TAFA2: variants seen among roughly 807,000 people sequenced by gnomAD.
TAFA2 encodes TAFA chemokine like family member 2, also known as chemokine-like protein TAFA-2.
TAFA2 carries 7 observed loss-of-function variants against 18.8 expected under a neutral mutation model. That is an observed-to-expected ratio of 0.37 (90% CI 0.21 to 0.70). The LOEUF is 0.70. Ranked by LOEUF, TAFA2 falls within the 30% of genes least tolerant of loss-of-function variation. TAFA2 has a pLI of 0.53. For missense variants in TAFA2, 122 were observed against 158.1 expected (o/e 0.77, Z 1.23); for synonymous variants, 60 against 54.2 (o/e 1.11, Z -0.47).
chr12:61,756,776 A>G (rs1236511471), intron 2 of TAFA2, among the ~76,000 whole-genome samples: 1 of 152,152 alleles, frequency 6.6e-6, no homozygotes, highest in Non-Finnish European at 1.5e-5. Flanking sequence ...CACAGGAAAC[A>G]TCTCTCTTTG....
Position 62,082,375 on chromosome 12 carries a change from CTTCCTA to C in TAFA2, c.-2+108878_-2+108883del, listed in dbSNP as rs1227432880. 1.9e-4 allele frequency among the ~76,000 whole-genome samples: 29 copies of C among 152,306 alleles called. 1 individual carries two copies. The highest frequency in any genetic ancestry group is 7.0e-4 in the African/African-American group (29 of 41,558). ...GTTTTTTCTAATGTGGCCTGAGGCA[CTTCCTA>C]TTCCACTAATGCTCCTTTCATCTTT... On this transcript the variant is annotated intron_variant, in intron 1 of 4. Coordinates refer to ENST00000416284, the MANE Select transcript of TAFA2 (RefSeq NM_178539.5).
chr12:62,209,257 T>C (rs563366653), intron 1 of TAFA2, among the ~76,000 whole-genome samples: 20 of 152,314 alleles, frequency 1.3e-4, no homozygotes, highest in African/African-American at 4.8e-4. Flanking sequence ...GTTTCCTCCA[T>C]GCCATTCTCA....
At chr12:61,819,687 G>A (rs1872240074) in intron 2 of TAFA2, among the ~76,000 whole-genome samples, 1 of 152,096 alleles carries the variant, frequency 6.6e-6, no homozygotes, top group Non-Finnish European at 1.5e-5. Context: ...ACTGCATCCA[G>A]ATGCCTAATT....
At chr12:61,856,398 A>C (rs535185971) in intron 2 of TAFA2, among the ~76,000 whole-genome samples, 11 of 152,202 alleles carry the variant, frequency 7.2e-5, no homozygotes, top group Non-Finnish European at 1.5e-4. Context: ...AAACCAATAG[A>C]AGTTTTACTT....
chr12:62,097,748 T>C (rs1490888224), intron 1 of TAFA2, among the ~76,000 whole-genome samples: 1 of 152,190 alleles, frequency 6.6e-6, no homozygotes, highest in Non-Finnish European at 1.5e-5. Flanking sequence ...CAGTCACTTA[T>C]GACCCACTCT....
intron 1 of TAFA2, among the ~76,000 whole-genome samples, chr12:62,134,714 T>C (rs1870828036): frequency 6.6e-6 from 1 of 152,090 alleles, no homozygotes; most frequent in South Asian, 2.1e-4. Flanking sequence ...GTCCATCTAG[T>C]TAATCCATCA....
At chr12:61,741,313 CA>C (rs1211687019) in intron 4 of TAFA2, among the ~76,000 whole-genome samples, 1 of 150,638 alleles carries the variant, frequency 6.6e-6, no homozygotes, top group Non-Finnish European at 1.5e-5. Flanking sequence ...TATGTGTCTC[CA>C]TCTCTCTTGC....
At chr12:61,722,196 G>A (rs1869938225) in intron 4 of TAFA2, among the ~76,000 whole-genome samples, 1 of 152,100 alleles carries the variant, frequency 6.6e-6, no homozygotes, top group Non-Finnish European at 1.5e-5. Context: ...ACATAAATTT[G>A]AGAGGTTGGA....
At chr12:61,966,085 A>G (rs555768521) in intron 1 of TAFA2, among the ~76,000 whole-genome samples, 1 of 151,788 alleles carries the variant, frequency 6.6e-6, no homozygotes, top group African/African-American at 2.4e-5. Context: ...CTGCCATACT[A>G]TTTTCCACAG....
chr12:62,198,706 G>T (rs1440482769), intron 1 of TAFA2, among the ~76,000 whole-genome samples: 2 of 152,108 alleles, frequency 1.3e-5, no homozygotes, highest in Non-Finnish European at 2.9e-5. Context: ...ATATTTTCAT[G>T]TAATCAAGTG....
chr12:61,819,699 G>T (rs1592410410), intron 2 of TAFA2, among the ~76,000 whole-genome samples: 1 of 152,040 alleles, frequency 6.6e-6, no homozygotes, highest in Non-Finnish European at 1.5e-5. Context: ...TGCCTAATTT[G>T]CTAACTATTC....
intron 1 of TAFA2, among the ~76,000 whole-genome samples, chr12:62,122,354 A>G (rs1355459793): frequency 6.6e-6 from 1 of 152,184 alleles, no homozygotes; most frequent in Non-Finnish European, 1.5e-5. Context: ...GTTCATAACG[A>G]AAAGCCTAAT....
chr12:62,035,733 C>CTTTTTTTTTTTTTTTTTTTTTTT lies in TAFA2; in HGVS notation c.-2+155503_-2+155525dup, dbSNP rs34859628. 1.7e-4 allele frequency among the ~76,000 whole-genome samples: 10 copies of CTTTTTTTTTTTTTTTTTTTTTTT among 60,234 alleles called. 2 individuals are homozygous for CTTTTTTTTTTTTTTTTTTTTTTT. Among genetic ancestry groups the CTTTTTTTTTTTTTTTTTTTTTTT allele is most frequent in the African/African-American group, 7.5e-4 (10 of 13,256 alleles). The allele number at this position is 60,234 out of a possible 152,430, so 39.5% of individuals were successfully genotyped here. On this transcript the variant is annotated intron_variant, in intron 1 of 4. Coordinates refer to ENST00000416284, the MANE Select transcript of TAFA2 (RefSeq NM_178539.5). ...TGACGCTAGGGGTCAATGATTCTTT[C>CTTTTTTTTTTTTTTTTTTTTTTT]TTTTTTTTTTTTTTTTTTTTTTTTT...
intron 1 of TAFA2, among the ~76,000 whole-genome samples, chr12:62,130,496 T>A (rs1030586694): frequency 6.6e-6 from 1 of 151,998 alleles, no homozygotes; most frequent in African/African-American, 2.4e-5. Flanking sequence ...TTTTGCTGGC[T>A]AACCCGCTCC....
chr12:62,194,330 C>CACACACA (rs1555197318), upstream of TAFA2, among the ~76,000 whole-genome samples: 8 of 151,532 alleles, frequency 5.3e-5, no homozygotes, highest in Admixed American at 4.6e-4. Context: ...CACACACATA[C>CACACACA]AAAAAAACAT....
intron 1 of TAFA2, among the ~76,000 whole-genome samples, chr12:62,080,153 C>T (rs1404527910): frequency 8.5e-5 from 13 of 152,176 alleles, no homozygotes; most frequent in South Asian, 2.1e-4. Context: ...GAGGGGCCAG[C>T]TACAATTCTT....
At chr12:62,195,356 T>A (rs757178538), upstream of TAFA2, among the ~76,000 whole-genome samples, 1 of 152,198 alleles carries the variant, frequency 6.6e-6, no homozygotes, top group Non-Finnish European at 1.5e-5. Flanking sequence ...ACTTTGCTCA[T>A]CCACAGAAGC....
At chr12:61,851,643 C>CG (rs915555138) in intron 2 of TAFA2, among the ~76,000 whole-genome samples, 31 of 151,122 alleles carry the variant, frequency 2.1e-4, no homozygotes, top group African/African-American at 6.8e-4. Flanking sequence ...GGCGTGGCGG[C>CG]GGGGGCCTAT....
At chr12:61,879,456 C>G in intron 1 of TAFA2, 1 of 691,540 alleles carries the variant, frequency 1.4e-6, no homozygotes, top group South Asian at 1.5e-5. Flanking sequence ...GCAGCAGCTT[C>G]CAGGGTGGCC....
Sources: gnomAD v4.1 joint callset for allele counts (sites outside exome capture counted in the v4.1 genomes callset) on GRCh38, gnomAD v4.1.1 for gene constraint, MANE v1.5 for transcripts, NCBI Gene and HGNC (gene_info 2026-07-23, HGNC 2026-07-21) for gene names.